Variants in HORMAD2 observed in about 807,000 individuals in gnomAD.
The protein encoded by HORMAD2 is HORMA domain containing 2, also known as HORMA domain-containing protein 2.
HORMAD2 carries 45 observed loss-of-function variants against 38.8 expected under a neutral mutation model. The ratio of observed to expected loss-of-function variants is 1.16; its 90% CI spans 0.91 to 1.49. The LOEUF (loss-of-function observed/expected upper bound fraction) is 1.49. HORMAD2 is among the 40% of genes most tolerant of loss of function. The pLI, the probability that HORMAD2 is intolerant of heterozygous loss-of-function variation, is 0.00. For synonymous variants in HORMAD2, 126 were observed against 122.8 expected, an observed-to-expected ratio of 1.03 and a Z score of -0.17; for missense variants, 338 against 367.0, an observed-to-expected ratio of 0.92 and a Z score of 0.65.
chr22:30,117,377 T>C (rs1922118986), intron 7 of HORMAD2, among the ~76,000 whole-genome samples: 2 of 152,208 alleles, frequency 1.3e-5, no homozygotes, highest in South Asian at 4.1e-4. Context: ...GGACATACTG[T>C]ATGACATATC....
intron 10 of HORMAD2, chr22:30,136,950 A>G (rs910128955): frequency 1.9e-5 from 10 of 540,318 alleles, no homozygotes; most frequent in Non-Finnish European, 3.3e-6. Context: ...CTCTTGGGTC[A>G]TGATTTCCAT....
chr22:30,114,280 C>T (rs994511995), intron 7 of HORMAD2, among the ~76,000 whole-genome samples: 6 of 152,124 alleles, frequency 3.9e-5, no homozygotes, highest in Non-Finnish European at 8.8e-5. Flanking sequence ...CTAACCTCTA[C>T]GTGTTCATGG....
chr22:30,194,880 A>G, the HORMAD2 span, among the ~76,000 whole-genome samples: 3 of 152,118 alleles, frequency 2.0e-5, no homozygotes, highest in Admixed American at 1.3e-4. Context: ...TATTCCCTGA[A>G]CCAGTAGCAA....
At chr22:30,206,124 G>A in the HORMAD2 span, among the ~76,000 whole-genome samples, 9 of 151,842 alleles carry the variant, frequency 5.9e-5, no homozygotes, top group East Asian at 1.6e-3. Context: ...CTCACCCCCC[G>A]CCTCCATTTA....
chr22:30,195,809 C>A, the HORMAD2 span, among the ~76,000 whole-genome samples: 18,027 of 152,076 alleles, frequency 0.12, 2,036 homozygotes, highest in African/African-American at 0.28. Flanking sequence ...ATCATCAGCT[C>A]CACTGTCTGG....
the HORMAD2 span, among the ~76,000 whole-genome samples, chr22:30,187,193 A>G: frequency 4.3e-4 from 66 of 152,348 alleles, no homozygotes; most frequent in African/African-American, 1.5e-3. Context: ...ACTGTATGCT[A>G]GATGTGTTCT....
rs751369307 is a variant in HORMAD2 at position 30,121,991 on chromosome 22, G to C, written c.596G>C (p.Gly199Ala). 1.2e-6 allele frequency: 2 copies of C among 1,611,804 alleles called. No individual in the cohort carries two copies. Among genetic ancestry groups the C allele is most frequent in the Non-Finnish European group, 1.7e-6 (2 of 1,178,848 alleles). The change falls in exon 10 of 11, where the codon GGT becomes GCT. Residue 199 changes from glycine (G) to alanine (A), a missense_variant. Transcript: ENST00000336726. ...AVTPHDYQPLGFKEGVNSHFL... is the reference protein window; with the variant it reads ...AVTPHDYQPLAFKEGVNSHFL... ...ACCCCACATGATTACCAACCCCTCGGTTTTAAAGAAGGGGTAAATTCACAC... is the reference window on the plus strand; with the variant it reads ...ACCCCACATGATTACCAACCCCTCGCTTTTAAAGAAGGGGTAAATTCACAC...
chr22:30,103,356 G>C lies in HORMAD2; in HGVS notation c.194-81G>C, dbSNP rs889713453. 6.5e-6 allele frequency: 5 copies of C among 766,418 alleles called. No individual in the cohort carries two copies. In the Admixed American group the frequency reaches 1.1e-4, roughly 17 times the overall value. The allele number at this position is 766,418 out of a possible 1,614,324, so 47.5% of individuals were successfully genotyped here. A position where few individuals can be genotyped will look rare whatever the true frequency, so the allele number is the denominator to read the frequency against. On this transcript the variant is annotated intron_variant, in intron 3 of 10. Transcript: ENST00000336726. ...AATTACATAAATAAAATAGTTAAAG[G>C]AAATACCCTATTTAGCATGGACAAT...
At chr22:30,161,326 A>G (rs559270765) in intron 10 of HORMAD2, among the ~76,000 whole-genome samples, 2 of 152,364 alleles carry the variant, frequency 1.3e-5, no homozygotes, top group South Asian at 4.1e-4. Context: ...ATAGAGGCTC[A>G]TGTTCAAGCA....
At chr22:30,188,831 C>T in the HORMAD2 span, among the ~76,000 whole-genome samples, 1 of 152,046 alleles carries the variant, frequency 6.6e-6, no homozygotes, top group African/African-American at 2.4e-5. Context: ...AGCTGCTGTT[C>T]GAAATTTTAA....
intron 10 of HORMAD2, among the ~76,000 whole-genome samples, chr22:30,150,196 CG>C (rs1924662632): frequency 6.6e-6 from 1 of 152,026 alleles, no homozygotes; most frequent in Non-Finnish European, 1.5e-5. Flanking sequence ...TTCAGGTATT[CG>C]ATTTTTAAAA....
chr22:30,159,366 T>G (rs949564266), intron 10 of HORMAD2, among the ~76,000 whole-genome samples: 1 of 152,212 alleles, frequency 6.6e-6, no homozygotes, highest in Non-Finnish European at 1.5e-5. Flanking sequence ...TTGGAAAATA[T>G]GTATATTATG....
At chr22:30,186,490 G>A in the HORMAD2 span, among the ~76,000 whole-genome samples, 1 of 151,550 alleles carries the variant, frequency 6.6e-6, no homozygotes, top group Admixed American at 6.6e-5. Context: ...ACAACATAAA[G>A]TGTTTGTTTC....
At chr22:30,141,814 C>G (rs945806600) in intron 10 of HORMAD2, among the ~76,000 whole-genome samples, 1 of 152,132 alleles carries the variant, frequency 6.6e-6, no homozygotes, top group African/African-American at 2.4e-5. Flanking sequence ...CCAAGCTGGT[C>G]TTGAACTCCT....
chr22:30,146,218 C>T (rs1196576091), intron 10 of HORMAD2, among the ~76,000 whole-genome samples: 3 of 152,132 alleles, frequency 2.0e-5, no homozygotes, highest in South Asian at 2.1e-4. Context: ...TTTGGCCAGG[C>T]GCAGTGGCTC....
intron 2 of HORMAD2, among the ~76,000 whole-genome samples, chr22:30,097,513 C>G (rs892369301): frequency 6.6e-6 from 1 of 152,182 alleles, no homozygotes; most frequent in East Asian, 1.9e-4. Flanking sequence ...CTTACAGAAG[C>G]TTTGTGTTCC....
At chr22:30,166,170 C>A (rs1461499278) in intron 10 of HORMAD2, among the ~76,000 whole-genome samples, 4 of 151,924 alleles carry the variant, frequency 2.6e-5, no homozygotes, top group Non-Finnish European at 5.9e-5. Context: ...ATGAATTAAT[C>A]TTGGGAAACT....
chr22:30,206,495 T>A, the HORMAD2 span, among the ~76,000 whole-genome samples: 1 of 151,932 alleles, frequency 6.6e-6, no homozygotes, highest in African/African-American at 2.4e-5. Context: ...TTTTGTTTTG[T>A]TTTCAGAGAT....
At position 30,093,909 on chromosome 22, in the gene HORMAD2, T is replaced by G. The variant is rs773881940; in HGVS notation, c.-37-7T>G. The G allele has an allele frequency of 7.2e-6, 10 of 1,386,022 alleles. No individual in the cohort carries two copies. Among genetic ancestry groups the G allele is most frequent in the Admixed American group, 5.9e-5 (3 of 50,530 alleles). The allele number at this position is 1,386,022 out of a possible 1,614,324, so 85.9% of individuals were successfully genotyped here. A position where few individuals can be genotyped will look rare whatever the true frequency, so the allele number is the denominator to read the frequency against. On this transcript the variant is annotated splice_region_variant and splice_polypyrimidine_tract_variant and intron_variant, in intron 1 of 10. Coordinates refer to ENST00000336726, the MANE Select transcript of HORMAD2 (RefSeq NM_152510.4). ...AGGTCTCTAATTAATTAATTATTTT[T>G]TAATAGGTTGGACTTGTTGAAATAA...
Sources: gnomAD v4.1 joint callset for allele counts (sites outside exome capture counted in the v4.1 genomes callset) on GRCh38, gnomAD v4.1.1 for gene constraint, MANE v1.5 for transcripts, NCBI Gene and HGNC (gene_info 2026-07-23, HGNC 2026-07-21) for gene names.